Variants in AGBL1 observed in about 807,000 individuals in gnomAD.
AGBL1 encodes the protein cytosolic carboxypeptidase 4.
A neutral mutation model predicts 118.9 loss-of-function variants in AGBL1; 130 were observed. That is an observed-to-expected ratio of 1.09 (90% CI 0.95 to 1.26). The LOEUF (loss-of-function observed/expected upper bound fraction) is 1.26. AGBL1 is among the 50% of genes most tolerant of loss of function. The pLI, the probability that AGBL1 is intolerant of heterozygous loss-of-function variation, is 0.00. For missense variants in AGBL1, 1,584 were observed against 1,298.1 expected, an observed-to-expected ratio of 1.22 and a Z score of -3.38; for synonymous variants, 555 against 478.9, an observed-to-expected ratio of 1.16 and a Z score of -2.08.
chr15:86,435,919 A>G (rs1462124083), intron 18 of AGBL1, among the ~76,000 whole-genome samples: 1 of 152,166 alleles, frequency 6.6e-6, no homozygotes, highest in Non-Finnish European at 1.5e-5. Flanking sequence ...ATAGCAACAC[A>G]ATAATAATTA....
chr15:86,257,803 C>T (rs985855713), intron 8 of AGBL1, among the ~76,000 whole-genome samples, 161 bp from the exon 9 acceptor site: 5 of 152,094 alleles, frequency 3.3e-5, no homozygotes, highest in East Asian at 1.9e-4. Flanking sequence ...CCATTTATAC[C>T]GACCAATAAG....
At chr15:86,772,340 C>G (rs1490689038) in intron 22 of AGBL1, among the ~76,000 whole-genome samples, 1 of 152,026 alleles carries the variant, frequency 6.6e-6, no homozygotes, top group Non-Finnish European at 1.5e-5. Flanking sequence ...TAAATAATCT[C>G]TAAGATGTTT....
chr15:86,113,043 A>G (rs1346748706), intron 1 of AGBL1, among the ~76,000 whole-genome samples: 1 of 152,112 alleles, frequency 6.6e-6, no homozygotes, highest in East Asian at 1.9e-4. Context: ...TGAAGAAATG[A>G]TCTAAAAGGA....
intron 22 of AGBL1, among the ~76,000 whole-genome samples, chr15:86,880,562 T>G (rs181608947): frequency 6.6e-6 from 1 of 152,288 alleles, no homozygotes; most frequent in Non-Finnish European, 1.5e-5. Context: ...TGTCTATGTA[T>G]GCACGGGGGT....
At chr15:86,730,981 C>A (rs1221039891) in intron 22 of AGBL1, among the ~76,000 whole-genome samples, 1 of 152,044 alleles carries the variant, frequency 6.6e-6, no homozygotes, top group African/African-American at 2.4e-5. Context: ...GCATATGCCA[C>A]CATGCCAAGC....
chr15:86,840,920 A>G (rs2079235964), intron 22 of AGBL1, among the ~76,000 whole-genome samples: 1 of 152,212 alleles, frequency 6.6e-6, no homozygotes, highest in South Asian at 2.1e-4. Flanking sequence ...CTTCAATGGA[A>G]GGTGCACAAT....
chr15:86,209,207 A>G (rs1365960022), intron 5 of AGBL1, among the ~76,000 whole-genome samples: 2 of 152,146 alleles, frequency 1.3e-5, no homozygotes, highest in African/African-American at 2.4e-5. Context: ...CTGTTCTTTT[A>G]CATTGACTGA....
intron 22 of AGBL1, among the ~76,000 whole-genome samples, chr15:86,862,283 A>G (rs143151337): frequency 2.0e-5 from 3 of 152,338 alleles, no homozygotes; most frequent in Admixed American, 1.3e-4. Flanking sequence ...TTAAAAATCT[A>G]CAACACAACA....
At chr15:86,885,494 G>C (rs1489170169) in intron 22 of AGBL1, among the ~76,000 whole-genome samples, 1 of 152,140 alleles carries the variant, frequency 6.6e-6, no homozygotes. Flanking sequence ...GTAAAAAAGA[G>C]TGACACTCTC....
At chr15:86,640,451 A>G (rs972073887) in intron 21 of AGBL1, among the ~76,000 whole-genome samples, 9 of 152,204 alleles carry the variant, frequency 5.9e-5, no homozygotes, top group Non-Finnish European at 1.3e-4. Context: ...GTATTAATAT[A>G]TAATACATGC....
chr15:86,371,870 T>A (rs2080975773), intron 17 of AGBL1, among the ~76,000 whole-genome samples: 1 of 151,992 alleles, frequency 6.6e-6, no homozygotes, highest in Non-Finnish European at 1.5e-5. Context: ...TAGTAGAGAG[T>A]GGCTGCTTGT....
At chr15:86,282,505 A>G (rs901289683) in intron 16 of AGBL1, among the ~76,000 whole-genome samples, 2 of 152,234 alleles carry the variant, frequency 1.3e-5, no homozygotes, top group Middle Eastern at 3.2e-3. Flanking sequence ...AAACAGGGTT[A>G]GAAAGACAAT....
intron 22 of AGBL1, among the ~76,000 whole-genome samples, chr15:86,723,178 C>A (rs1045150244): frequency 7.9e-5 from 12 of 152,202 alleles, no homozygotes; most frequent in African/African-American, 2.9e-4. Flanking sequence ...GATTATAAAT[C>A]ATGCTGTTAT....
intron 21 of AGBL1, among the ~76,000 whole-genome samples, chr15:86,639,250 C>T (rs58001144): frequency 4.7e-4 from 71 of 152,146 alleles, no homozygotes; most frequent in African/African-American, 1.5e-3. Context: ...CACTGAGGGT[C>T]ATCTTGGAAG....
intron 17 of AGBL1, among the ~76,000 whole-genome samples, chr15:86,386,606 A>G (rs2081199305): frequency 6.6e-6 from 1 of 151,968 alleles, no homozygotes; most frequent in African/African-American, 2.4e-5. Flanking sequence ...TCCTCAATCC[A>G]GAGAAGTCTC....
At chr15:86,809,670 A>G (rs1351060552) in intron 22 of AGBL1, among the ~76,000 whole-genome samples, 1 of 152,206 alleles carries the variant, frequency 6.6e-6, no homozygotes, top group Non-Finnish European at 1.5e-5. Flanking sequence ...GAATGTGTCA[A>G]GTTGGGGAAC....
intron 22 of AGBL1, among the ~76,000 whole-genome samples, chr15:86,677,839 T>G (rs2085877001): frequency 6.6e-6 from 1 of 152,222 alleles, no homozygotes; most frequent in Non-Finnish European, 1.5e-5. Context: ...GGTGCTTGAT[T>G]TTCATTTGTA....
intron 23 of AGBL1, among the ~76,000 whole-genome samples, chr15:86,974,947 C>G (rs1169779387): frequency 6.6e-6 from 1 of 151,840 alleles, no homozygotes; most frequent in East Asian, 1.9e-4. Flanking sequence ...ATTATTGGAG[C>G]TTTTTTCTTG....
chr15:86,397,612 C>A, intron 18 of AGBL1, 66 bp downstream of exon 18: 1 of 1,456,878 alleles, frequency 6.9e-7, no homozygotes, highest in South Asian at 1.3e-5. Context: ...GTCATTTCAC[C>A]AAGTAGGCGT....
Sources: allele counts gnomAD v4.1 joint callset (sites outside exome capture counted in the v4.1 genomes callset), GRCh38; gene constraint gnomAD v4.1.1; transcripts MANE v1.5; gene names NCBI Gene and HGNC (gene_info 2026-07-23, HGNC 2026-07-21).